Variants in SUGCT observed in about 807,000 individuals in gnomAD.
SUGCT encodes the protein succinyl-CoA:glutarate CoA-transferase.
A neutral mutation model predicts 55.0 loss-of-function variants in SUGCT; 41 were observed. The ratio of observed to expected loss-of-function variants is 0.74; its 90% CI spans 0.58 to 0.97. The LOEUF (loss-of-function observed/expected upper bound fraction) is 0.97. SUGCT is among the 50% of genes least tolerant of loss of function. SUGCT has a pLI of 0.00. For missense variants in SUGCT, 568 were observed against 547.8 expected (o/e 1.04, Z -0.37); for synonymous variants, 187 against 200.4 (o/e 0.93, Z 0.56).
intron 13 of SUGCT, among the ~76,000 whole-genome samples, chr7:40,809,246 T>A (rs373475492): frequency 2.0e-5 from 3 of 152,194 alleles, no homozygotes; most frequent in East Asian, 1.9e-4. Flanking sequence ...ATATTGTAAG[T>A]GCTAAGTCAG....
At chr7:40,418,987 C>T (rs1373925856) in intron 9 of SUGCT, among the ~76,000 whole-genome samples, 2 of 152,062 alleles carry the variant, frequency 1.3e-5, no homozygotes, top group African/African-American at 2.4e-5. Flanking sequence ...TCTCTGCCTA[C>T]GGTAGAGTGC....
At chr7:40,438,696 C>G (rs1252347859) in intron 9 of SUGCT, among the ~76,000 whole-genome samples, 2 of 151,998 alleles carry the variant, frequency 1.3e-5, no homozygotes, top group Non-Finnish European at 2.9e-5. Context: ...TTACAGGAGA[C>G]AGTCCTGACT....
intron 12 of SUGCT, among the ~76,000 whole-genome samples, chr7:40,513,243 G>A (rs1055799886): frequency 6.6e-6 from 1 of 151,954 alleles, no homozygotes; most frequent in Non-Finnish European, 1.5e-5. Flanking sequence ...CAGAACTCTG[G>A]GCCTCAGCTT....
chr7:40,518,746 A>G (rs1793380245), intron 12 of SUGCT, among the ~76,000 whole-genome samples: 1 of 151,996 alleles, frequency 6.6e-6, no homozygotes, highest in Non-Finnish European at 1.5e-5. Context: ...AATATGTCTG[A>G]AAGTCTAGTG....
intron 8 of SUGCT, among the ~76,000 whole-genome samples, chr7:40,310,884 A>G (rs944930233): frequency 1.1e-4 from 16 of 152,032 alleles, no homozygotes; most frequent in African/African-American, 3.9e-4. Flanking sequence ...TGGAAACTTT[A>G]TCTTCTCTTG....
At chr7:40,798,372 C>T (rs978021917) in intron 13 of SUGCT, among the ~76,000 whole-genome samples, 3 of 152,114 alleles carry the variant, frequency 2.0e-5, no homozygotes, top group Admixed American at 6.6e-5. Context: ...CTATGGTGCA[C>T]TCCTTTTTGT....
intron 9 of SUGCT, among the ~76,000 whole-genome samples, chr7:40,324,189 A>G (rs562746891): frequency 3.3e-5 from 5 of 149,660 alleles, no homozygotes; most frequent in African/African-American, 1.2e-4. Context: ...TATGTCCTCT[A>G]TCACCTGTAT....
In SUGCT at chr7:40,249,313, C is replaced by CTATCTATATCTATATATCTATA. The variant is rs1324264789; in HGVS notation, c.576+11590_576+11591insCTATATCTATATATCTATATAT. Among the ~76,000 whole-genome samples, 303 of 79,468 alleles carry CTATCTATATCTATATATCTATA rather than the reference C, an allele frequency of 3.8e-3. 2 individuals carry two copies. Among genetic ancestry groups the CTATCTATATCTATATATCTATA allele is most frequent in the Non-Finnish European group, 5.6e-3 (244 of 43,836 alleles). The allele number at this position is 79,468 out of a possible 152,430, so 52.1% of individuals were successfully genotyped here. On this transcript the variant is annotated intron_variant, in intron 7 of 13. Coordinates refer to ENST00000335693, the MANE Select transcript of SUGCT (RefSeq NM_001193313.2). ...TCTTAAAACAAAAAACACCAAAAAG[C>CTATCTATATCTATATATCTATA]TATATATATATATATATATATATAT...
chr7:40,767,859 A>G (rs13242768), intron 13 of SUGCT, among the ~76,000 whole-genome samples: 59,700 of 152,070 alleles, frequency 0.39, 13,332 homozygotes, highest in South Asian at 0.57. Flanking sequence ...CAAGAACGAG[A>G]TGGAATCATT....
At chr7:41,014,507 A>G in the SUGCT span, among the ~76,000 whole-genome samples, 2 of 152,236 alleles carry the variant, frequency 1.3e-5, no homozygotes, top group Non-Finnish European at 2.9e-5. Flanking sequence ...TGGAAAGAAC[A>G]TGAGAAATAT....
At chr7:40,246,850 C>T (rs1056865961) in intron 7 of SUGCT, among the ~76,000 whole-genome samples, 1 of 150,932 alleles carries the variant, frequency 6.6e-6, no homozygotes, top group African/African-American at 2.4e-5. Context: ...CTGCCCACCT[C>T]AGCCTCCCAA....
chr7:40,229,741 G>A (rs1455948546), intron 6 of SUGCT, among the ~76,000 whole-genome samples: 1 of 149,954 alleles, frequency 6.7e-6, no homozygotes, highest in Non-Finnish European at 1.5e-5. Flanking sequence ...TTGAACCTGG[G>A]AGTTGGAAGC....
chr7:40,750,555 T>C (rs1787957318), intron 13 of SUGCT, among the ~76,000 whole-genome samples: 1 of 152,206 alleles, frequency 6.6e-6, no homozygotes, highest in Non-Finnish European at 1.5e-5. Context: ...AGGACTATTC[T>C]TGTTAATTTT....
intron 1 of SUGCT, among the ~76,000 whole-genome samples, chr7:40,167,092 A>T (rs541973888): frequency 6.6e-6 from 1 of 152,334 alleles, no homozygotes; most frequent in South Asian, 2.1e-4. Context: ...TTGTACACAA[A>T]TGTTCACAGC....
At chr7:41,032,288 A>G in the SUGCT span, among the ~76,000 whole-genome samples, 1 of 152,124 alleles carries the variant, frequency 6.6e-6, no homozygotes, top group East Asian at 1.9e-4. Flanking sequence ...AGTTTTGTTC[A>G]AGGGGACAAT....
At chr7:40,652,244 T>C (rs1800812658) in intron 12 of SUGCT, among the ~76,000 whole-genome samples, 1 of 152,220 alleles carries the variant, frequency 6.6e-6, no homozygotes, top group Non-Finnish European at 1.5e-5. Context: ...TACCCTGAGG[T>C]TGAATTACTT....
chr7:40,784,932 G>T (rs1012381970), intron 13 of SUGCT, among the ~76,000 whole-genome samples: 10 of 151,994 alleles, frequency 6.6e-5, no homozygotes, highest in Non-Finnish European at 1.0e-4. Flanking sequence ...AGGTAATATT[G>T]CATGTGATTG....
chr7:40,630,341 C>G (rs1173222925), intron 12 of SUGCT, among the ~76,000 whole-genome samples: 1 of 152,172 alleles, frequency 6.6e-6, no homozygotes, highest in African/African-American at 2.4e-5. Context: ...GGGTCCTTTT[C>G]TTCTTCATCC....
chr7:40,537,769 G>A (rs1794447725), intron 12 of SUGCT, among the ~76,000 whole-genome samples: 1 of 152,174 alleles, frequency 6.6e-6, no homozygotes, highest in African/African-American at 2.4e-5. Flanking sequence ...ATCTGATCAT[G>A]AAAATGTAAT....
Sources: gnomAD v4.1 joint callset for allele counts (sites outside exome capture counted in the v4.1 genomes callset) on GRCh38, gnomAD v4.1.1 for gene constraint, MANE v1.5 for transcripts, NCBI Gene and HGNC (gene_info 2026-07-23, HGNC 2026-07-21) for gene names.